The following DLG2 variants were observed in gnomAD, a reference collection of about 807,000 sequenced individuals.
DLG2 encodes the protein discs large MAGUK scaffold protein 2, also known as disks large homolog 2.
In DLG2, 45 loss-of-function variants were observed where a neutral mutation model predicts 132.5. The ratio of observed to expected loss-of-function variants is 0.34; its 90% CI spans 0.27 to 0.44. The LOEUF (loss-of-function observed/expected upper bound fraction) is 0.44. DLG2 is among the 20% of genes least tolerant of loss of function. The pLI, the probability that DLG2 is intolerant of heterozygous loss-of-function variation, is 1.00. For synonymous variants in DLG2, 424 were observed against 419.6 expected, an observed-to-expected ratio of 1.01 and a Z score of -0.13; for missense variants, 1,045 against 1,196.9, an observed-to-expected ratio of 0.87 and a Z score of 1.87.
At chr11:84,135,842 G>A (rs2094580074) in intron 9 of DLG2, among the ~76,000 whole-genome samples, 1 of 152,094 alleles carries the variant, frequency 6.6e-6, no homozygotes, top group African/African-American at 2.4e-5. Flanking sequence ...GATCACACTG[G>A]GCGCAGTGTG....
intron 3 of DLG2, among the ~76,000 whole-genome samples, chr11:85,299,022 C>A (rs1157632885): frequency 1.3e-5 from 2 of 152,094 alleles, no homozygotes; most frequent in Admixed American, 6.5e-5. Context: ...GATGTAAATT[C>A]TTTGTGGTTG....
intron 8 of DLG2, among the ~76,000 whole-genome samples, chr11:84,165,996 A>T (rs1384986053): frequency 1.3e-5 from 2 of 152,344 alleles, no homozygotes; most frequent in East Asian, 3.9e-4. Flanking sequence ...TTTTTAGCAT[A>T]GGTGAGGCAT....
At chr11:85,005,781 G>A (rs977841474) in intron 6 of DLG2, among the ~76,000 whole-genome samples, 1 of 152,124 alleles carries the variant, frequency 6.6e-6, no homozygotes, top group African/African-American at 2.4e-5. Flanking sequence ...GGAGTGGTGA[G>A]AGTGGGCATT....
chr11:83,869,203 A>G (rs1489933223), intron 16 of DLG2, among the ~76,000 whole-genome samples: 1 of 152,192 alleles, frequency 6.6e-6, no homozygotes, highest in South Asian at 2.1e-4. Context: ...ACATTCTGCC[A>G]TGATCATATA....
At chr11:84,451,230 C>G (rs1290517387) in intron 7 of DLG2, among the ~76,000 whole-genome samples, 2 of 151,804 alleles carry the variant, frequency 1.3e-5, no homozygotes, top group African/African-American at 2.4e-5. Flanking sequence ...CTTTTACCTT[C>G]TAATATTATA....
chr11:85,123,215 G>A, intron 5 of DLG2, among the ~76,000 whole-genome samples: 1 of 151,492 alleles, frequency 6.6e-6, no homozygotes, highest in Non-Finnish European at 1.5e-5. Flanking sequence ...CTGACCTCGT[G>A]ATCCGCCCGC....
intron 7 of DLG2, among the ~76,000 whole-genome samples, chr11:84,306,874 A>C (rs1440948688): frequency 2.6e-5 from 4 of 152,242 alleles, no homozygotes; most frequent in Non-Finnish European, 4.4e-5. Flanking sequence ...AGAAAAAGGA[A>C]TGTTTATACA....
intron 3 of DLG2, chr11:85,285,956 C>T (rs1251274383): frequency 3.0e-6 from 1 of 330,634 alleles, no homozygotes; most frequent in Non-Finnish European, 5.8e-6. Flanking sequence ...TAAACCTTAA[C>T]GTAGGCAAAT....
At chr11:85,207,022 A>G (rs2081943987) in intron 4 of DLG2, among the ~76,000 whole-genome samples, 1 of 152,176 alleles carries the variant, frequency 6.6e-6, no homozygotes, top group Non-Finnish European at 1.5e-5. Context: ...TCGACTGGAC[A>G]TTTCATCAAA....
At chr11:85,104,176 A>G (rs2071322668) in intron 6 of DLG2, among the ~76,000 whole-genome samples, 1 of 151,960 alleles carries the variant, frequency 6.6e-6, no homozygotes, top group Non-Finnish European at 1.5e-5. Context: ...TTAAACATAG[A>G]GTTAGCATAT....
chr11:84,992,125 T>C (rs2057186690), intron 6 of DLG2, among the ~76,000 whole-genome samples: 1 of 152,204 alleles, frequency 6.6e-6, no homozygotes, highest in Non-Finnish European at 1.5e-5. Flanking sequence ...TCACTTCATG[T>C]AGTTAAGTTC....
At chr11:84,229,333 G>C (rs558644885) in intron 8 of DLG2, among the ~76,000 whole-genome samples, 1 of 152,214 alleles carries the variant, frequency 6.6e-6, no homozygotes, top group South Asian at 2.1e-4. Flanking sequence ...CAGTATCATG[G>C]TTTAACTACT....
At chr11:83,889,122 A>T (rs1432553254) in intron 15 of DLG2, among the ~76,000 whole-genome samples, 1 of 152,150 alleles carries the variant, frequency 6.6e-6, no homozygotes, top group Non-Finnish European at 1.5e-5. Flanking sequence ...TAATTAAACT[A>T]AAGAGCTTCT....
At chr11:83,475,253 TGAGG>T (rs1348268233) in intron 22 of DLG2, among the ~76,000 whole-genome samples, 1 of 152,032 alleles carries the variant, frequency 6.6e-6, no homozygotes, top group Non-Finnish European at 1.5e-5. Flanking sequence ...CTATGGGTAA[TGAGG>T]AAGAGACAAA....
intron 15 of DLG2, among the ~76,000 whole-genome samples, chr11:83,913,074 TTG>T (rs1233916031): frequency 1.3e-5 from 2 of 152,084 alleles, no homozygotes; most frequent in African/African-American, 4.8e-5. Flanking sequence ...ATCTGTGTGT[TTG>T]TGTGTGTGTA....
intron 7 of DLG2, among the ~76,000 whole-genome samples, chr11:84,345,265 A>G (rs1600282418): frequency 6.6e-6 from 1 of 152,360 alleles, no homozygotes; most frequent in South Asian, 2.1e-4. Flanking sequence ...TATGTGAAAC[A>G]TGGATTTGGA....
intron 6 of DLG2, among the ~76,000 whole-genome samples, chr11:84,989,803 C>T (rs958731786): frequency 2.0e-5 from 3 of 152,000 alleles, no homozygotes; most frequent in Non-Finnish European, 4.4e-5. Flanking sequence ...AATGGAAACC[C>T]CTTATAGAAA....
intron 6 of DLG2, among the ~76,000 whole-genome samples, chr11:85,061,437 C>T (rs903637270): frequency 1.3e-5 from 2 of 151,768 alleles, no homozygotes; most frequent in African/African-American, 4.8e-5. Context: ...ACAAAATTTG[C>T]AACTTGAATT....
chr11:84,775,723 T>C (rs11234171), intron 6 of DLG2, among the ~76,000 whole-genome samples: 41,083 of 151,920 alleles, frequency 0.27, 6,085 homozygotes, highest in Middle Eastern at 0.32. Flanking sequence ...ATGGCAACAA[T>C]AGACACTGGG....
Sources: gnomAD v4.1 joint callset for allele counts (sites outside exome capture counted in the v4.1 genomes callset) on GRCh38, gnomAD v4.1.1 for gene constraint, MANE v1.5 for transcripts, NCBI Gene and HGNC (gene_info 2026-07-23, HGNC 2026-07-21) for gene names.